Variants in TBC1D22A observed in about 807,000 individuals in gnomAD.
TBC1D22A encodes the protein putative GTPase activator.
TBC1D22A carries 38 observed loss-of-function variants against 60.2 expected under a neutral mutation model. The observed-to-expected ratio is 0.63, with a 90% CI of 0.49 to 0.83. The LOEUF is 0.83. Among genes scored for constraint, TBC1D22A ranks in the 40% least tolerant of loss-of-function variants. TBC1D22A has a pLI of 0.00. For synonymous variants in TBC1D22A, 302 were observed against 281.7 expected (o/e 1.07, Z -0.72); for missense variants, 628 against 701.0 (o/e 0.90, Z 1.18).
chr22:47,024,330 C>G (rs547960968), intron 10 of TBC1D22A, among the ~76,000 whole-genome samples: 2 of 152,220 alleles, frequency 1.3e-5, no homozygotes, highest in East Asian at 3.9e-4. Context: ...ACAGTTGGGC[C>G]ACACTAATAG....
intron 4 of TBC1D22A, among the ~76,000 whole-genome samples, chr22:46,860,441 G>A (rs6009001): frequency 2.8e-3 from 54 of 19,372 alleles, no homozygotes; most frequent in Middle Eastern, 0.025. Flanking sequence ...CCTTCCCGGG[G>A]CCAGAATCCT....
intron 8 of TBC1D22A, among the ~76,000 whole-genome samples, chr22:46,929,911 GC>G (rs1363603014): frequency 6.6e-6 from 1 of 152,174 alleles, no homozygotes; most frequent in Non-Finnish European, 1.5e-5. Context: ...CTGCTCCTCA[GC>G]CCCTATGTGT....
intron 10 of TBC1D22A, among the ~76,000 whole-genome samples, chr22:47,029,198 G>A (rs8136138): frequency 0.018 from 1,048 of 58,478 alleles, 3 homozygotes; most frequent in African/African-American, 0.066. Context: ...CATGGGGCCC[G>A]GGGACACAGC....
chr22:46,804,709 A>C (rs947379446), intron 4 of TBC1D22A, among the ~76,000 whole-genome samples: 7 of 152,256 alleles, frequency 4.6e-5, no homozygotes, highest in African/African-American at 1.7e-4. Context: ...TTTATTTACT[A>C]TCCATAGTAA....
chr22:47,100,224 C>G (rs1485771509), intron 11 of TBC1D22A, among the ~76,000 whole-genome samples: 1 of 151,420 alleles, frequency 6.6e-6, no homozygotes, highest in East Asian at 1.9e-4. Context: ...GGTGAGGTGT[C>G]AGGGCACAGG....
At chr22:46,882,027 G>T (rs942248249) in intron 5 of TBC1D22A, among the ~76,000 whole-genome samples, 3 of 152,154 alleles carry the variant, frequency 2.0e-5, no homozygotes, top group Admixed American at 6.5e-5. Flanking sequence ...CTGGGACAAT[G>T]GTGGGTACTG....
intron 10 of TBC1D22A, among the ~76,000 whole-genome samples, chr22:47,002,504 T>TA (rs370733169): frequency 1.3e-5 from 2 of 152,238 alleles, no homozygotes; most frequent in African/African-American, 4.8e-5. Flanking sequence ...ATTTTTTGAT[T>TA]AAAAAAACCA....
At position 46,941,108 on chromosome 22, in the gene TBC1D22A, T is replaced by TACAC. The variant is rs145138507; in HGVS notation, c.1015+28956_1015+28959dup. Among the ~76,000 whole-genome samples the TACAC allele has an allele frequency of 7.0e-3, 539 of 77,432 alleles. 10 individuals are homozygous for TACAC. The highest frequency in any genetic ancestry group is 0.017 in the African/African-American group (302 of 17,852). 50.8% of individuals were successfully genotyped at this position (77,432 alleles called of 152,430 possible). Reference sequence around the variant, plus strand: ...CAGCATGGGGACTGGGGCACTAGCATACACACACACACACACACACACACA... The same window carrying TACAC: ...CAGCATGGGGACTGGGGCACTAGCATACACACACACACACACACACACACACACA... On this transcript the variant is annotated intron_variant, in intron 8 of 12. Coordinates refer to ENST00000337137, the MANE Select transcript of TBC1D22A (RefSeq NM_014346.5).
At chr22:47,113,094 GC>G (rs1569454288) in intron 12 of TBC1D22A, among the ~76,000 whole-genome samples, 1 of 152,170 alleles carries the variant, frequency 6.6e-6, no homozygotes, top group Non-Finnish European at 1.5e-5. Context: ...CAGGCAGCAG[GC>G]ACCCACTGGC....
intron 6 of TBC1D22A, among the ~76,000 whole-genome samples, chr22:46,892,624 T>C (rs1307908024): frequency 1.3e-5 from 2 of 152,258 alleles, no homozygotes; most frequent in African/African-American, 2.4e-5. Context: ...CTGGCCTCTT[T>C]TGCCACTCCA....
At chr22:46,821,001 A>T (rs1602008948) in intron 4 of TBC1D22A, among the ~76,000 whole-genome samples, 2 of 141,698 alleles carry the variant, frequency 1.4e-5, no homozygotes, top group African/African-American at 5.2e-5. Flanking sequence ...GTCTTTTTTG[A>T]TCTTTGTTGG....
chr22:47,038,106 G>A (rs893186005), intron 11 of TBC1D22A, among the ~76,000 whole-genome samples: 5 of 152,162 alleles, frequency 3.3e-5, no homozygotes, highest in Non-Finnish European at 5.9e-5. Context: ...GCGGTGCTGT[G>A]GGGGGTTTAC....
At chr22:46,870,601 G>A (rs2067252598) in intron 4 of TBC1D22A, among the ~76,000 whole-genome samples, 1 of 152,158 alleles carries the variant, frequency 6.6e-6, no homozygotes, top group South Asian at 2.1e-4. Flanking sequence ...GTTTCATGTT[G>A]TTCTAACAGA....
In TBC1D22A at chr22:46,912,195, T is replaced by C. The variant is rs765013600; in HGVS notation, c.1015+7T>C. The C allele has an allele frequency of 6.2e-7, 1 of 1,602,904 alleles. No homozygotes were observed. Among genetic ancestry groups the C allele is most frequent in the East Asian group, 2.2e-5 (1 of 44,834 alleles). On this transcript the variant is annotated splice_region_variant and intron_variant, in intron 8 of 12. Transcript: ENST00000337137. ...TTCATTTGTGAATACATAGGTAAGA[T>C]TTCTTGCAAACATTAAACGTGAACT...
chr22:47,111,573 G>A lies in TBC1D22A; in HGVS notation c.1395G>A (p.Arg465=), dbSNP rs1378760815. 1.2e-6 allele frequency: 2 copies of A among 1,614,010 alleles called. No homozygotes were observed. Among genetic ancestry groups the A allele is most frequent in the African/African-American group, 1.3e-5 (1 of 74,928 alleles). ...GCGCTGCTTTTCTCGTGAGATGGAG[G>A]AAGGAAATACTAGAAGAAAAAGATT... ...YVCAAFLVRW[R]KEILEEKDFQ... The change falls in exon 12 of 13, where the codon AGG becomes AGA. Residue 465 remains arginine (R), a synonymous_variant. Transcript: ENST00000337137.
chr22:46,784,477 C>CA (rs140768313), intron 1 of TBC1D22A, among the ~76,000 whole-genome samples: 1,584 of 152,252 alleles, frequency 0.01, 22 homozygotes, highest in African/African-American at 0.035. Context: ...TTTAGCTATG[C>CA]AAAATCAAAT....
chr22:47,011,283 G>A (rs1431285688), intron 10 of TBC1D22A, among the ~76,000 whole-genome samples: 1 of 152,136 alleles, frequency 6.6e-6, no homozygotes, highest in Admixed American at 6.5e-5. Flanking sequence ...CTTGGGAGCC[G>A]CAGCCTGCAG....
chr22:47,016,914 C>T (rs895033459), intron 10 of TBC1D22A, among the ~76,000 whole-genome samples: 1 of 152,258 alleles, frequency 6.6e-6, no homozygotes, highest in Non-Finnish European at 1.5e-5. Flanking sequence ...CCCGGCGAGC[C>T]TCCCACTGCT....
At chr22:47,035,835 T>C (rs2062637249) in intron 10 of TBC1D22A, among the ~76,000 whole-genome samples, 1 of 152,208 alleles carries the variant, frequency 6.6e-6, no homozygotes, top group East Asian at 1.9e-4. Flanking sequence ...CCGCATGTCT[T>C]AGTAGAGCTC....
Sources: gnomAD v4.1 joint callset for allele counts (sites outside exome capture counted in the v4.1 genomes callset) on GRCh38, gnomAD v4.1.1 for gene constraint, MANE v1.5 for transcripts, NCBI Gene and HGNC (gene_info 2026-07-23, HGNC 2026-07-21) for gene names.